Variants in CACNB2 observed in about 807,000 individuals in gnomAD.
CACNB2 encodes the protein calcium voltage-gated channel auxiliary subunit beta 2.
Under a neutral mutation model 73.3 loss-of-function variants are expected in CACNB2, and 42 were observed. The observed-to-expected ratio is 0.57, with a 90% CI of 0.45 to 0.74. The LOEUF is 0.74. CACNB2 is among the 30% of genes least tolerant of loss of function. The pLI, the probability that CACNB2 is intolerant of heterozygous loss-of-function variation, is 0.00. For synonymous variants in CACNB2, 348 were observed against 310.3 expected, an observed-to-expected ratio of 1.12 and a Z score of -1.28; for missense variants, 940 against 853.0, an observed-to-expected ratio of 1.10 and a Z score of -1.27.
chr10:18,342,092 C>G (rs1161213154), intron 2 of CACNB2, among the ~76,000 whole-genome samples: 2 of 152,268 alleles, frequency 1.3e-5, no homozygotes, highest in African/African-American at 4.8e-5. Flanking sequence ...TTATTCTGTA[C>G]CTGTTTGAGT....
chr10:18,174,873 A>G (rs1477418397), intron 2 of CACNB2, among the ~76,000 whole-genome samples: 1 of 152,224 alleles, frequency 6.6e-6, no homozygotes, highest in Non-Finnish European at 1.5e-5. Flanking sequence ...AATGTTTAAA[A>G]TACTAATTCA....
rs376915293 is a variant in CACNB2, at chr10:18,357,568, A to T, written c.214-44356A>T. ...TTGGTAAAGTTCCAAACAAAGTACA[A>T]TCTTTCATTGATTGTCACAGTACTT... On this transcript the variant is annotated intron_variant, in intron 2 of 13. Transcript: ENST00000324631. Among the ~76,000 whole-genome samples the T allele has an allele frequency of 6.6e-5, 10 of 152,298 alleles. No homozygotes were observed. The East Asian group carries it at 1.7e-3, about 26-fold the overall frequency.
intron 2 of CACNB2, among the ~76,000 whole-genome samples, chr10:18,379,602 T>G (rs2042932324): frequency 6.6e-6 from 1 of 152,102 alleles, no homozygotes; most frequent in African/African-American, 2.4e-5. Flanking sequence ...TTCCAGAACA[T>G]TTTCGTCTTT....
intron 2 of CACNB2, among the ~76,000 whole-genome samples, chr10:18,248,791 CGTGATGGAGACA>C (rs1284242366): frequency 5.3e-5 from 8 of 152,172 alleles, no homozygotes; most frequent in Non-Finnish European, 1.0e-4. Flanking sequence ...TCTGAGTTCC[CGTGATGGAGACA>C]GACTTTCTCA....
chr10:18,454,687 GCA>G (rs1345044074), intron 3 of CACNB2, among the ~76,000 whole-genome samples: 3 of 152,128 alleles, frequency 2.0e-5, no homozygotes, highest in African/African-American at 4.8e-5. Context: ...TATTTCAAAA[GCA>G]CACACATGCA....
chr10:18,317,531 T>C (rs539165709), intron 2 of CACNB2, among the ~76,000 whole-genome samples: 2 of 152,354 alleles, frequency 1.3e-5, no homozygotes, highest in African/African-American at 4.8e-5. Flanking sequence ...TCTTGGCCTC[T>C]AGCTGCATCC....
chr10:18,458,585 A>C (rs1193717871), intron 3 of CACNB2, among the ~76,000 whole-genome samples: 3 of 152,114 alleles, frequency 2.0e-5, no homozygotes, highest in Non-Finnish European at 2.9e-5. Flanking sequence ...TTAATAAACA[A>C]AATTTTAAGA....
chr10:18,210,212 A>G (rs1354300273), intron 2 of CACNB2, among the ~76,000 whole-genome samples: 2 of 152,170 alleles, frequency 1.3e-5, no homozygotes, highest in Non-Finnish European at 2.9e-5. Flanking sequence ...ATGAAAATAC[A>G]TTCGTGGTGG....
At chr10:18,455,176 A>G (rs565612916) in intron 3 of CACNB2, among the ~76,000 whole-genome samples, 1 of 152,344 alleles carries the variant, frequency 6.6e-6, no homozygotes, top group East Asian at 1.9e-4. Context: ...AGAGGAACTT[A>G]TATTTTTAGG....
At chr10:18,435,457 T>C (rs888418332) in intron 3 of CACNB2, among the ~76,000 whole-genome samples, 2 of 152,082 alleles carry the variant, frequency 1.3e-5, no homozygotes, top group Non-Finnish European at 2.9e-5. Context: ...TTGACAGTAA[T>C]AAGACCATGA....
intron 3 of CACNB2, among the ~76,000 whole-genome samples, chr10:18,412,715 C>A (rs754330107): frequency 6.6e-6 from 1 of 152,220 alleles, no homozygotes; most frequent in Non-Finnish European, 1.5e-5. Context: ...TCTTCTGTTT[C>A]GACTTTTAGT....
intron 2 of CACNB2, among the ~76,000 whole-genome samples, chr10:18,398,339 T>C (rs906568708): frequency 1.3e-5 from 2 of 152,096 alleles, no homozygotes; most frequent in Non-Finnish European, 2.9e-5. Context: ...TGTGTGTCTT[T>C]CAATGCTGGG....
At chr10:18,141,838 A>C (rs1201774761) in intron 1 of CACNB2, among the ~76,000 whole-genome samples, 1 of 152,164 alleles carries the variant, frequency 6.6e-6, no homozygotes, top group Non-Finnish European at 1.5e-5. Flanking sequence ...TCTTGGTTAC[A>C]TTTCAGGCAG....
At chr10:18,497,140 A>G (rs1425247340) in intron 3 of CACNB2, among the ~76,000 whole-genome samples, 2 of 148,586 alleles carry the variant, frequency 1.3e-5, no homozygotes, top group African/African-American at 4.9e-5. Context: ...TGAACTCCAG[A>G]GGAGGAGGTT....
At chr10:18,347,557 CT>C (rs11326102) in intron 2 of CACNB2, among the ~76,000 whole-genome samples, 64,424 of 148,896 alleles carry the variant, frequency 0.43, 14,394 homozygotes, top group Admixed American at 0.48. Flanking sequence ...CATCTCTAGG[CT>C]TTTTTTTTTC....
intron 2 of CACNB2, among the ~76,000 whole-genome samples, chr10:18,368,722 C>T (rs2042453914): frequency 6.6e-6 from 1 of 152,042 alleles, no homozygotes; most frequent in Admixed American, 6.6e-5. Context: ...CATTAATTAA[C>T]CCTCATGTGT....
rs931101750 is a variant in CACNB2 at position 18,320,474 on chromosome 10, A to G, written c.214-81450A>G. ...TTTGAAAAACTAGTGCTTAAAACAT[A>G]GCTTAGAATTAAGTCTTTGCATGAA... On this transcript the variant is annotated intron_variant, in intron 2 of 13. Coordinates refer to ENST00000324631, the MANE Select transcript of CACNB2 (RefSeq NM_201596.3). Among the ~76,000 whole-genome samples the G allele has an allele frequency of 3.3e-5, 5 of 152,246 alleles. 1 individual carries two copies. The highest frequency in any genetic ancestry group is 4.1e-4 in the South Asian group (2 of 4,832).
intron 2 of CACNB2, among the ~76,000 whole-genome samples, chr10:18,284,341 C>A (rs756316463): frequency 1.3e-5 from 2 of 152,164 alleles, no homozygotes; most frequent in Non-Finnish European, 2.9e-5. Flanking sequence ...TCCCTCCCAC[C>A]AATACGTGGG....
chr10:18,482,868 T>C (rs1023792859), intron 3 of CACNB2, among the ~76,000 whole-genome samples: 4 of 152,132 alleles, frequency 2.6e-5, no homozygotes, highest in Non-Finnish European at 4.4e-5. Context: ...CAGAGTTTAT[T>C]TGTAGATGTT....
Sources: gnomAD v4.1 joint callset for allele counts (sites outside exome capture counted in the v4.1 genomes callset) on GRCh38, gnomAD v4.1.1 for gene constraint, MANE v1.5 for transcripts, NCBI Gene and HGNC (gene_info 2026-07-23, HGNC 2026-07-21) for gene names.